Variants in TMC1 observed in about 807,000 individuals in gnomAD.
TMC1 encodes the protein transmembrane channel like 1.
A neutral mutation model predicts 105.8 loss-of-function variants in TMC1; 84 were observed. That is an observed-to-expected ratio of 0.79 (90% CI 0.67 to 0.95). The LOEUF (loss-of-function observed/expected upper bound fraction) is 0.95, where lower values mean the gene tolerates loss of function less well. Among genes scored for constraint, TMC1 ranks in the 40% least tolerant of loss-of-function variants. TMC1 has a pLI of 0.00. For missense variants in TMC1, 817 were observed against 914.1 expected (o/e 0.89, Z 1.37); for synonymous variants, 315 against 311.5 (o/e 1.01, Z -0.12).
chr9:72,819,668 A>G (rs1296656083), intron 19 of TMC1, among the ~76,000 whole-genome samples: 1 of 152,210 alleles, frequency 6.6e-6, no homozygotes, highest in African/African-American at 2.4e-5. Flanking sequence ...CAAAAGTTCA[A>G]TTATAGTGGA....
intron 2 of TMC1, among the ~76,000 whole-genome samples, chr9:72,592,307 A>G (rs1040345270): frequency 6.6e-6 from 1 of 152,236 alleles, no homozygotes; most frequent in Non-Finnish European, 1.5e-5. Flanking sequence ...AGGAACATAT[A>G]TGTGGAACCT....
intron 1 of TMC1, among the ~76,000 whole-genome samples, chr9:72,535,806 G>A (rs1460712975): frequency 1.3e-5 from 2 of 152,186 alleles, no homozygotes; most frequent in Admixed American, 1.3e-4. Flanking sequence ...GGCAAGGGAG[G>A]CAGCAAGGGA....
chr9:72,651,393 C>T (rs1825812628), intron 5 of TMC1: 1 of 152,032 alleles, frequency 6.6e-6, no homozygotes, highest in South Asian at 2.1e-4. Flanking sequence ...GCTGTAAGAT[C>T]CTAGATCCCA....
intron 18 of TMC1, among the ~76,000 whole-genome samples, chr9:72,810,237 A>G (rs982205622): frequency 4.6e-5 from 7 of 152,136 alleles, no homozygotes; most frequent in Admixed American, 1.3e-4. Context: ...AATCAATAAT[A>G]TGGTTTCAGA....
At chr9:72,531,783 C>T (rs550650708) in intron 1 of TMC1, among the ~76,000 whole-genome samples, 1 of 152,204 alleles carries the variant, frequency 6.6e-6, no homozygotes, top group South Asian at 2.1e-4. Flanking sequence ...ACCCTCTTGG[C>T]CACCTATCTT....
At chr9:72,719,460 G>T (rs987450187) in intron 8 of TMC1, among the ~76,000 whole-genome samples, 1 of 152,124 alleles carries the variant, frequency 6.6e-6, no homozygotes, top group Non-Finnish European at 1.5e-5. Flanking sequence ...GGACCTTTAG[G>T]TTCCCCAGTG....
intron 1 of TMC1, among the ~76,000 whole-genome samples, chr9:72,530,165 G>A (rs1340308621): frequency 2.0e-5 from 3 of 152,058 alleles, no homozygotes; most frequent in Non-Finnish European, 2.9e-5. Context: ...GTGGCTGAGA[G>A]CTCCATAGTT....
chr9:72,529,650 T>G (rs1379678399), intron 1 of TMC1, among the ~76,000 whole-genome samples: 1 of 151,934 alleles, frequency 6.6e-6, no homozygotes, highest in Non-Finnish European at 1.5e-5. Context: ...CACTCAAGTG[T>G]GCTTTCTTGT....
At chr9:72,745,345 A>G (rs367740491) in intron 10 of TMC1, among the ~76,000 whole-genome samples, 1 of 152,130 alleles carries the variant, frequency 6.6e-6, no homozygotes, top group African/African-American at 2.4e-5. Flanking sequence ...ATGCTTTTCC[A>G]TGTGTTAGGC....
intron 8 of TMC1, among the ~76,000 whole-genome samples, chr9:72,722,630 A>T (rs938990907): frequency 6.6e-6 from 1 of 152,208 alleles, no homozygotes; most frequent in African/African-American, 2.4e-5. Flanking sequence ...CTCAAGTACT[A>T]GCATAGTGCT....
intron 8 of TMC1, among the ~76,000 whole-genome samples, chr9:72,708,930 T>C (rs1209588700): frequency 2.0e-5 from 3 of 152,106 alleles, no homozygotes; most frequent in Non-Finnish European, 4.4e-5. Context: ...ACGTCCCTTG[T>C]ATGCCGATTT....
At position 72,627,550 on chromosome 9, in the gene TMC1, C is replaced by T. The variant is rs140491620; in HGVS notation, c.-195-371C>T. Among the ~76,000 whole-genome samples, 641 of 152,190 alleles carry T rather than the reference C, an allele frequency of 4.2e-3. 5 individuals carry two copies. Among genetic ancestry groups the T allele is most frequent in the African/African-American group, 0.015 (614 of 41,508 alleles). ...CATTACTTGCTTGTGGTTTCCTTGC[C>T]GGAGATGCTTGGAGGCAAGCATTAT... On this transcript the variant is annotated intron_variant, in intron 3 of 23. Transcript: ENST00000297784.
rs1024769793 is a variant in TMC1, at chr9:72,756,722, C to A, written c.741+1838C>A. On this transcript the variant is annotated intron_variant, in intron 12 of 23. Transcript: ENST00000297784. ...AGGACTAAAAATATGAACAAAAGGT[C>A]TTTTGATTTTTATATATAGATTTCT... 4.6e-5 allele frequency among the ~76,000 whole-genome samples: 7 copies of A among 152,176 alleles called. No homozygotes were observed. In the South Asian group the frequency reaches 6.2e-4, roughly 14 times the overall value.
chr9:72,736,636 A>G (rs1489986043), intron 8 of TMC1, among the ~76,000 whole-genome samples: 2 of 152,212 alleles, frequency 1.3e-5, no homozygotes, highest in Non-Finnish European at 1.5e-5. Flanking sequence ...TAATTTTACT[A>G]CTAAGAAGAA....
chr9:72,736,667 T>G lies in TMC1; in HGVS notation c.363-3452T>G, dbSNP rs117410767. Among the ~76,000 whole-genome samples the G allele has an allele frequency of 1.0e-2, 1,522 of 152,338 alleles. 21 individuals are homozygous for G. Among genetic ancestry groups the G allele is most frequent in the Non-Finnish European group, 0.015 (1,016 of 68,038 alleles). ...AAGAATTTCCATTTCTCTATTTATA[T>G]GTGTTCATTATTCTAGAGATTAATA... On this transcript the variant is annotated intron_variant, in intron 8 of 23. Transcript: ENST00000297784.
intron 1 of TMC1, among the ~76,000 whole-genome samples, chr9:72,557,737 T>G (rs1217171171): frequency 1.3e-5 from 2 of 152,186 alleles, no homozygotes; most frequent in Non-Finnish European, 2.9e-5. Flanking sequence ...GCAGGAGATC[T>G]TAGCAAACAT....
chr9:72,530,340 A>AT (rs1249352404), intron 1 of TMC1, among the ~76,000 whole-genome samples: 5 of 151,166 alleles, frequency 3.3e-5, no homozygotes, highest in African/African-American at 2.4e-5. Context: ...CACCTGGCTA[A>AT]TTTTTTTTTA....
intron 8 of TMC1, among the ~76,000 whole-genome samples, chr9:72,705,140 C>T (rs1826716276): frequency 6.6e-6 from 1 of 151,954 alleles, no homozygotes; most frequent in Admixed American, 6.6e-5. Flanking sequence ...GAGGTCGCAG[C>T]ACTTACCTGA....
chr9:72,770,487 T>C (rs1827908741), intron 12 of TMC1, among the ~76,000 whole-genome samples: 1 of 148,590 alleles, frequency 6.7e-6, no homozygotes, highest in South Asian at 2.1e-4. Context: ...GGTGTGATCT[T>C]GGGACACTGC....
Sources: allele counts gnomAD v4.1 joint callset (sites outside exome capture counted in the v4.1 genomes callset), GRCh38; gene constraint gnomAD v4.1.1; transcripts MANE v1.5; gene names NCBI Gene and HGNC (gene_info 2026-07-23, HGNC 2026-07-21).